Variants in CGNL1 observed in about 807,000 individuals in gnomAD.
CGNL1 encodes the protein cingulin-like protein 1.
CGNL1 carries 132 observed loss-of-function variants against 141.2 expected under a neutral mutation model. The ratio of observed to expected loss-of-function variants is 0.93; its 90% CI spans 0.81 to 1.08. The LOEUF (loss-of-function observed/expected upper bound fraction) is 1.08, where lower values mean the gene tolerates loss of function less well. Among genes scored for constraint, CGNL1 ranks in the 50% least tolerant of loss-of-function variants. The pLI, the probability that CGNL1 is intolerant of heterozygous loss-of-function variation, is 0.00. For synonymous variants in CGNL1, 690 were observed against 622.1 expected, an observed-to-expected ratio of 1.11 and a Z score of -1.63; for missense variants, 1,870 against 1,588.6, an observed-to-expected ratio of 1.18 and a Z score of -3.01.
chr15:57,521,576 A>G (rs1368007398), intron 10 of CGNL1, among the ~76,000 whole-genome samples: 3 of 152,344 alleles, frequency 2.0e-5, no homozygotes, highest in South Asian at 2.1e-4. Flanking sequence ...AGGCAAGCAT[A>G]TAAGAAATAA....
At chr15:57,488,120 C>T (rs1365983522) in intron 8 of CGNL1, among the ~76,000 whole-genome samples, 1 of 152,054 alleles carries the variant, frequency 6.6e-6, no homozygotes, top group Non-Finnish European at 1.5e-5. Context: ...GGTATTTCAT[C>T]GTGGCTTTGA....
intron 1 of CGNL1, among the ~76,000 whole-genome samples, chr15:57,435,476 T>C (rs1284805995): frequency 3.3e-5 from 5 of 150,926 alleles, no homozygotes; most frequent in Non-Finnish European, 5.9e-5. Flanking sequence ...CTGAAGAATG[T>C]AGGTTTTCAC....
At chr15:57,477,140 G>T (rs1595745946) in intron 8 of CGNL1, among the ~76,000 whole-genome samples, 2 of 151,656 alleles carry the variant, frequency 1.3e-5, no homozygotes, top group East Asian at 3.9e-4. Flanking sequence ...AGAAATAAAA[G>T]GCTGGACGTG....
intron 10 of CGNL1, among the ~76,000 whole-genome samples, chr15:57,519,087 T>C (rs1013174570): frequency 3.9e-5 from 6 of 152,182 alleles, no homozygotes; most frequent in African/African-American, 1.4e-4. Context: ...TCAAAATCAG[T>C]AGGTTCTTAG....
chr15:57,434,837 A>G (rs1391166150), intron 1 of CGNL1, among the ~76,000 whole-genome samples: 1 of 152,238 alleles, frequency 6.6e-6, no homozygotes, highest in Admixed American at 6.5e-5. Flanking sequence ...AAATACAAGG[A>G]GTCAAATTTT....
At position 57,452,217 on chromosome 15, in the gene CGNL1, AG is replaced by A; in HGVS notation, c.1984del (p.Val662TrpfsTer28). Reference protein sequence around the residue: ...LEELRSQHNEKVEENSTLQQR... With the variant: ...LEELRSQHNEXVEENSTLQQR... ...GAGCTCCGAAGCCAACACAACGAAAAGGTGGAGGAGAACTCCACATTGCAGC... is the reference window on the plus strand; with the variant it reads ...GAGCTCCGAAGCCAACACAACGAAAAGTGGAGGAGAACTCCACATTGCAGC... On this transcript the variant is annotated frameshift_variant, in exon 6 of 19. Transcript: ENST00000281282. LOFTEE classifies it high-confidence loss of function. 6 of 1,614,030 alleles carry A rather than the reference AG, an allele frequency of 3.7e-6. No individual in the cohort carries two copies. Among genetic ancestry groups the A allele is most frequent in the Non-Finnish European group, 5.1e-6 (6 of 1,179,940 alleles).
At chr15:57,403,561 A>G (rs1455328975) in intron 1 of CGNL1, among the ~76,000 whole-genome samples, 3 of 152,188 alleles carry the variant, frequency 2.0e-5, no homozygotes, top group Non-Finnish European at 4.4e-5. Flanking sequence ...GCCCACTGAG[A>G]GCAATGGGCA....
chr15:57,453,714 C>T lies in CGNL1; in HGVS notation c.2086C>T (p.His696Tyr). 1 of 1,613,944 alleles carries T rather than the reference C, an allele frequency of 6.2e-7. No individual in the cohort carries two copies. The highest frequency in any genetic ancestry group is 2.2e-5 in the East Asian group (1 of 44,862). ...LFQVKMEREQ[H>Y]QTEIRDLQDQ... is the part of the protein sequence containing the mutation. Reference sequence around the variant, plus strand: ...CCAGGTGAAGATGGAACGGGAGCAGCATCAGACTGAGATCAGGGATCTCCA... The same window carrying T: ...CCAGGTGAAGATGGAACGGGAGCAGTATCAGACTGAGATCAGGGATCTCCA... The change falls in exon 7 of 19, where the codon CAT becomes TAT. Residue 696 changes from histidine (H) to tyrosine (Y), a missense_variant. Coordinates refer to ENST00000281282, the MANE Select transcript of CGNL1 (RefSeq NM_032866.5).
At chr15:57,522,908 G>T (rs1343679784) in intron 10 of CGNL1, among the ~76,000 whole-genome samples, 1 of 152,194 alleles carries the variant, frequency 6.6e-6, no homozygotes, top group East Asian at 1.9e-4. Context: ...TCACCAACCT[G>T]TGTGTTTCCA....
intron 14 of CGNL1, among the ~76,000 whole-genome samples, chr15:57,532,215 G>C (rs1167381680): frequency 6.6e-6 from 1 of 152,164 alleles, no homozygotes; most frequent in Non-Finnish European, 1.5e-5. Flanking sequence ...GTATCCACAG[G>C]TGTCTTGTAA....
chr15:57,543,214 C>G (rs1480528735), intron 14 of CGNL1, among the ~76,000 whole-genome samples: 2 of 129,306 alleles, frequency 1.5e-5, no homozygotes, highest in Admixed American at 8.1e-5. Flanking sequence ...CACCCCAATC[C>G]TCCATCTCCA....
Position 57,461,809 on chromosome 15 carries a change from C to T in CGNL1, c.2320C>T (p.His774Tyr). The stretch of plus-strand genomic sequence containing the variant: ...AGCCCTGAAAGAAGAGGTTTCCAGC[C>T]ATGATCAGGAGATGGACAAGCTGAA... ...KGALKEEVSS[H>Y]DQEMDKLKEQ... Residue 774 changes from histidine (H) to tyrosine (Y), a missense_variant, in exon 8 of 19, where the codon CAT becomes TAT. Transcript: ENST00000281282. 2 of 1,614,068 alleles carry T rather than the reference C, an allele frequency of 1.2e-6. No individual in the cohort carries two copies. The highest frequency in any genetic ancestry group is 2.2e-5 in the East Asian group (1 of 44,856).
Position 57,461,673 on chromosome 15 carries a change from T to C in CGNL1, c.2191-7T>C. On this transcript the variant is annotated splice_region_variant and splice_polypyrimidine_tract_variant and intron_variant, in intron 7 of 18. Coordinates refer to ENST00000281282, the MANE Select transcript of CGNL1 (RefSeq NM_032866.5). ...TCACCTTCTCCCTTCGTGTTTCCTCTCTCTAGGAGCTCTTACAGGCAAAAC... is the reference window on the plus strand; with the variant it reads ...TCACCTTCTCCCTTCGTGTTTCCTCCCTCTAGGAGCTCTTACAGGCAAAAC... 6.2e-7 allele frequency: 1 copy of C among 1,613,162 alleles called. No homozygotes were observed. The highest frequency in any genetic ancestry group is 8.5e-7 in the Non-Finnish European group (1 of 1,179,204).
chr15:57,526,489 C>A (rs1007108680), intron 12 of CGNL1, among the ~76,000 whole-genome samples: 6 of 151,824 alleles, frequency 4.0e-5, no homozygotes, highest in Admixed American at 3.3e-4. Flanking sequence ...TAAAAAAAAA[C>A]CCCAAAAGCT....
At chr15:57,544,656 G>T (rs1350171365) in intron 16 of CGNL1, 59 bp downstream of exon 16, 2 of 1,540,036 alleles carry the variant, frequency 1.3e-6, no homozygotes, top group South Asian at 1.2e-5. Context: ...CAGTCCCATC[G>T]CAATGTGTTG....
At chr15:57,458,533 C>T (rs912341566) in intron 7 of CGNL1, among the ~76,000 whole-genome samples, 2 of 152,148 alleles carry the variant, frequency 1.3e-5, no homozygotes, top group Non-Finnish European at 2.9e-5. Flanking sequence ...AAAGGCAACA[C>T]AAAACATAGA....
chr15:57,461,148 C>A (rs1173030184), intron 7 of CGNL1, among the ~76,000 whole-genome samples: 7 of 152,006 alleles, frequency 4.6e-5, no homozygotes, highest in African/African-American at 1.5e-4. Flanking sequence ...TAATACCTGG[C>A]AGTTAAGAAG....
At chr15:57,503,953 C>G (rs1595773541) in intron 8 of CGNL1, among the ~76,000 whole-genome samples, 1 of 152,106 alleles carries the variant, frequency 6.6e-6, no homozygotes, top group East Asian at 1.9e-4. Flanking sequence ...ACAGCCAAAT[C>G]ATATCAGGGT....
intron 8 of CGNL1, among the ~76,000 whole-genome samples, chr15:57,476,311 C>T (rs767266624): frequency 4.6e-5 from 7 of 152,152 alleles, no homozygotes; most frequent in East Asian, 1.9e-4. Context: ...ACATTCTAGA[C>T]GCAGGGAACT....
Sources: allele counts gnomAD v4.1 joint callset (sites outside exome capture counted in the v4.1 genomes callset), GRCh38; gene constraint gnomAD v4.1.1; transcripts MANE v1.5; gene names NCBI Gene and HGNC (gene_info 2026-07-23, HGNC 2026-07-21).